The following VPS13D variants were observed in gnomAD, a reference collection of about 807,000 sequenced individuals.
The protein encoded by VPS13D is vacuolar protein sorting 13 homolog D.
VPS13D carries 187 observed loss-of-function variants against 461.9 expected under a neutral mutation model. That is an observed-to-expected ratio of 0.40 (90% CI 0.36 to 0.46). The LOEUF (loss-of-function observed/expected upper bound fraction) is 0.46, where lower values mean the gene tolerates loss of function less well. Among genes scored for constraint, VPS13D ranks in the 20% least tolerant of loss-of-function variants. VPS13D has a pLI of 0.60. For synonymous variants in VPS13D, 1,951 were observed against 1,986.3 expected, an observed-to-expected ratio of 0.98 and a Z score of 0.47; for missense variants, 4,711 against 5,364.9, an observed-to-expected ratio of 0.88 and a Z score of 3.81.
chr1:12,285,967 CCTTTCCTTTCCTTTCCTT>C, intron 21 of VPS13D, among the ~76,000 whole-genome samples: 4 of 135,712 alleles, frequency 2.9e-5, no homozygotes, highest in Admixed American at 7.7e-5. Flanking sequence ...CCTTTCCTTT[CCTTTCCTTTCCTTTCCTT>C]TCCTTTCCTC....
At chr1:12,243,024 C>T (rs571215858) in intron 3 of VPS13D, among the ~76,000 whole-genome samples, 1 of 151,528 alleles carries the variant, frequency 6.6e-6, no homozygotes, top group East Asian at 1.9e-4. Flanking sequence ...GCGATCTCGG[C>T]TCACTGCAAC....
intron 26 of VPS13D, among the ~76,000 whole-genome samples, chr1:12,305,412 C>A (rs936960620): frequency 6.6e-6 from 1 of 152,046 alleles, no homozygotes; most frequent in African/African-American, 2.4e-5. Context: ...GTAGCTGGGA[C>A]TACAGGCATG....
At chr1:12,325,386 A>G (rs1643154281) in intron 35 of VPS13D, among the ~76,000 whole-genome samples, 1 of 151,944 alleles carries the variant, frequency 6.6e-6, no homozygotes, top group Admixed American at 6.6e-5. Context: ...CAGCCTTCTG[A>G]GTAGCTGGGA....
At chr1:12,346,181 T>C (rs1569963876) in intron 43 of VPS13D, among the ~76,000 whole-genome samples, 2 of 152,240 alleles carry the variant, frequency 1.3e-5, no homozygotes, top group African/African-American at 4.8e-5. Context: ...TGCAGAGATA[T>C]TGCAGCTTTC....
chr1:12,460,134 G>C lies in VPS13D; in HGVS notation c.12467-67G>C, dbSNP rs939753123. ...TTAAGTTATCATTCCATAATCAAGG[G>C]GTTTGGCTTTAAATGCTTTTGCTTT... On this transcript the variant is annotated intron_variant, in intron 66 of 69. Transcript: ENST00000620676. 11 of 1,387,130 alleles carry C rather than the reference G, an allele frequency of 7.9e-6. No individual in the cohort carries two copies. The African/African-American group carries it at 1.6e-4, about 20-fold the overall frequency. 85.9% of individuals were successfully genotyped at this position (1,387,130 alleles called of 1,614,324 possible).
intron 12 of VPS13D, among the ~76,000 whole-genome samples, chr1:12,261,436 CCT>C (rs1641105204): frequency 6.6e-6 from 1 of 152,210 alleles, no homozygotes; most frequent in South Asian, 2.1e-4. Flanking sequence ...CAGTCTAGAG[CCT>C]CTCTTAAACC....
chr1:12,247,521 A>C (rs72864961), intron 5 of VPS13D, among the ~76,000 whole-genome samples: 1,881 of 152,130 alleles, frequency 0.012, 34 homozygotes, highest in African/African-American at 0.043. Flanking sequence ...CCCAAAAAAA[A>C]CAAAAACAAA....
At chr1:12,254,284 T>C (rs1305782240) in intron 7 of VPS13D, among the ~76,000 whole-genome samples, 1 of 152,128 alleles carries the variant, frequency 6.6e-6, no homozygotes, top group Non-Finnish European at 1.5e-5. Flanking sequence ...CAAGCAATCC[T>C]CCTGCTTTGG....
intron 60 of VPS13D, among the ~76,000 whole-genome samples, chr1:12,399,198 A>ATT (rs887369242): frequency 3.5e-5 from 5 of 141,448 alleles, no homozygotes; most frequent in Non-Finnish European, 4.7e-5. Context: ...CAAATAGTTG[A>ATT]TTTTTTTTTT....
intron 67 of VPS13D, chr1:12,478,716 A>G (rs1410307044): frequency 2.2e-6 from 1 of 449,708 alleles, no homozygotes; most frequent in Non-Finnish European, 4.5e-6. Flanking sequence ...TCTCTGGAGA[A>G]GCAAAGCAGT....
intron 5 of VPS13D, among the ~76,000 whole-genome samples, chr1:12,248,343 A>G (rs1166431904): frequency 1.4e-5 from 2 of 147,896 alleles, no homozygotes; most frequent in South Asian, 2.2e-4. Flanking sequence ...TATTATTATT[A>G]TTATTATTGT....
At chr1:12,233,536 T>C (rs1212735747) in intron 1 of VPS13D, among the ~76,000 whole-genome samples, 1 of 152,184 alleles carries the variant, frequency 6.6e-6, no homozygotes, top group East Asian at 1.9e-4. Flanking sequence ...ATTATGCCCA[T>C]AGGAGAACCT....
intron 60 of VPS13D, among the ~76,000 whole-genome samples, chr1:12,387,847 G>A (rs936412548): frequency 6.6e-6 from 1 of 152,094 alleles, no homozygotes; most frequent in African/African-American, 2.4e-5. Flanking sequence ...TATGTGCCAA[G>A]GAATAAAGAT....
Position 12,342,930 on chromosome 1 carries a change from G to A in VPS13D, c.8764G>A (p.Val2922Ile). ...ACTCTCTCACAGTGGGAGTCCAGGG[G>A]TAGTTCCAGAAGGGAACGGAACATT... ...AALSHSGSPG[V>I]VPEGNGTFLD... Residue 2922 changes from valine (V) to isoleucine (I), a missense_variant, in exon 42 of 70, where the codon GTA (valine) becomes ATA (isoleucine). Val to Ile is a conservative substitution (Grantham distance 29). Coordinates refer to ENST00000620676, the MANE Select transcript of VPS13D (RefSeq NM_015378.4). The A allele has an allele frequency of 4.3e-6, 7 of 1,613,544 alleles. No homozygotes were observed. The highest frequency in any genetic ancestry group is 4.2e-6 in the Non-Finnish European group (5 of 1,179,542).
chr1:12,484,830 A>G (rs184350892), intron 67 of VPS13D, among the ~76,000 whole-genome samples: 47 of 152,052 alleles, frequency 3.1e-4, no homozygotes, highest in African/African-American at 1.1e-3. Context: ...TTGAATCCGA[A>G]TCTTTTTTTT....
intron 31 of VPS13D, 80 bp downstream of exon 31, chr1:12,318,417 T>C (rs1642946479): frequency 6.6e-7 from 1 of 1,513,334 alleles, no homozygotes; most frequent in African/African-American, 1.4e-5. Context: ...TGATTGCTCT[T>C]TTGCCTCCCA....
chr1:12,442,308 T>C (rs1294921025), intron 65 of VPS13D, among the ~76,000 whole-genome samples: 1 of 152,234 alleles, frequency 6.6e-6, no homozygotes, highest in Admixed American at 6.5e-5. Context: ...TGTCTTTGAA[T>C]TTATTATATA....
intron 67 of VPS13D, among the ~76,000 whole-genome samples, chr1:12,476,478 G>A (rs190053098): frequency 1.3e-5 from 2 of 152,296 alleles, no homozygotes; most frequent in East Asian, 3.9e-4. Context: ...ATTCATTTAC[G>A]TGTATTAATG....
At chr1:12,476,435 C>T (rs1020734385) in intron 67 of VPS13D, among the ~76,000 whole-genome samples, 2 of 152,314 alleles carry the variant, frequency 1.3e-5, no homozygotes, top group Admixed American at 1.3e-4. Flanking sequence ...CAGGAGTCCT[C>T]GTGTTACACA....
Sources: gnomAD v4.1 joint callset for allele counts (sites outside exome capture counted in the v4.1 genomes callset) on GRCh38, gnomAD v4.1.1 for gene constraint, MANE v1.5 for transcripts, NCBI Gene and HGNC (gene_info 2026-07-23, HGNC 2026-07-21) for gene names.